ITGB3BP: variants seen among roughly 807,000 people sequenced by gnomAD.
The protein encoded by ITGB3BP is integrin subunit beta 3 binding protein.
Under a neutral mutation model 29.1 loss-of-function variants are expected in ITGB3BP, and 27 were observed. The ratio of observed to expected loss-of-function variants is 0.93; its 90% CI spans 0.68 to 1.28. The LOEUF (loss-of-function observed/expected upper bound fraction) is 1.28. ITGB3BP is among the 50% of genes most tolerant of loss of function. ITGB3BP has a pLI of 0.00. For synonymous variants in ITGB3BP, 61 were observed against 61.4 expected (o/e 0.99, Z 0.03); for missense variants, 192 against 200.2 (o/e 0.96, Z 0.25).
intron 1 of ITGB3BP, among the ~76,000 whole-genome samples, chr1:63,514,255 T>C (rs578161755): frequency 2.0e-5 from 3 of 152,328 alleles, no homozygotes; most frequent in South Asian, 2.1e-4. Context: ...CATTTATTTG[T>C]TTTCCTGTTG....
Position 63,454,755 on chromosome 1 carries a change from TA to T in ITGB3BP, c.333+134del, listed in dbSNP as rs968435902. The T allele has an allele frequency of 3.6e-3, 1,551 of 432,698 alleles. No individual in the cohort carries two copies. The highest frequency in any genetic ancestry group is 9.7e-3 in the South Asian group (166 of 17,104). 26.8% of individuals were successfully genotyped at this position (432,698 alleles called of 1,614,324 possible). ...TTATGGTTAAATAGTGTTCTCCTATTAAAAAAAAAATTCCCATGAAAAGTAA... is the reference window on the plus strand; with the variant it reads ...TTATGGTTAAATAGTGTTCTCCTATTAAAAAAAAATTCCCATGAAAAGTAA... On this transcript the variant is annotated intron_variant, in intron 5 of 8. Transcript: ENST00000271002. The surrounding 1 kb of genome is among the most constrained non-coding windows in gnomAD (Gnocchi z 4.1).
In ITGB3BP at chr1:63,473,033, C is replaced by T. The variant is rs535754922; in HGVS notation, c.254+5731G>A. Among the ~76,000 whole-genome samples, 1,023 of 151,340 alleles carry T rather than the reference C, an allele frequency of 6.8e-3. 12 individuals carry two copies. The highest frequency in any genetic ancestry group is 0.023 in the African/African-American group (956 of 41,094). On this transcript the variant is annotated intron_variant, in intron 4 of 8. Transcript: ENST00000271002. ...GCCATCCCATCTAGGAAGCGAGGAG[C>T]GCCTCTTCCCCACCGCCATCCCATC...
At chr1:63,473,641 G>A in intron 4 of ITGB3BP, among the ~76,000 whole-genome samples, 1 of 128,446 alleles carries the variant, frequency 7.8e-6, no homozygotes, top group Non-Finnish European at 1.7e-5. Context: ...CCCCCGCCCG[G>A]CCAGCCGCCC....
At chr1:63,520,729 C>A (rs1468362567) in intron 1 of ITGB3BP, among the ~76,000 whole-genome samples, 7 of 152,094 alleles carry the variant, frequency 4.6e-5, no homozygotes, top group African/African-American at 7.2e-5. Context: ...AGAACTAGAT[C>A]ATTACCAATA....
intron 1 of ITGB3BP, chr1:63,522,859 C>T: frequency 4.9e-6 from 3 of 618,280 alleles, no homozygotes; most frequent in South Asian, 1.5e-5. Flanking sequence ...TATGTTATTT[C>T]AAGTTAGACA....
chr1:63,460,253 T>C (rs1557614215), intron 4 of ITGB3BP, among the ~76,000 whole-genome samples: 1 of 152,208 alleles, frequency 6.6e-6, no homozygotes, highest in African/African-American at 2.4e-5. Context: ...TCCAAAAGTT[T>C]TCTATTACTA....
At chr1:63,474,248 A>G (rs1266177234) in intron 4 of ITGB3BP, among the ~76,000 whole-genome samples, 672 of 109,416 alleles carry the variant, frequency 6.1e-3, no homozygotes, top group African/African-American at 0.014. Flanking sequence ...CTGCCTGGCC[A>G]GCCGCCCCGT....
At chr1:63,514,428 A>G (rs1205485558) in intron 1 of ITGB3BP, among the ~76,000 whole-genome samples, 2 of 152,140 alleles carry the variant, frequency 1.3e-5, no homozygotes, top group East Asian at 1.9e-4. Context: ...GGGTAGGTGT[A>G]TATTTATTTA....
chr1:63,497,751 T>C (rs1416678823), intron 2 of ITGB3BP, among the ~76,000 whole-genome samples: 1 of 152,054 alleles, frequency 6.6e-6, no homozygotes, highest in Non-Finnish European at 1.5e-5. Context: ...GTAGGCTGAG[T>C]GTGTACCTGT....
At chr1:63,453,141 G>A (rs1199629185) in intron 7 of ITGB3BP, among the ~76,000 whole-genome samples, 2 of 152,152 alleles carry the variant, frequency 1.3e-5, no homozygotes, top group Non-Finnish European at 2.9e-5. Context: ...TAATGACAAT[G>A]ATAATACAGT....
At chr1:63,474,930 AC>A (rs1645307296) in intron 4 of ITGB3BP, among the ~76,000 whole-genome samples, 3 of 150,102 alleles carry the variant, frequency 2.0e-5, no homozygotes, top group African/African-American at 4.9e-5. Flanking sequence ...ACAAAACAAA[AC>A]AAAAACAAAA....
intron 2 of ITGB3BP, among the ~76,000 whole-genome samples, chr1:63,491,651 C>T (rs1645650030): frequency 6.6e-6 from 1 of 151,838 alleles, no homozygotes; most frequent in Non-Finnish European, 1.5e-5. Context: ...AATATTAGTT[C>T]CAGAATCTAT....
intron 4 of ITGB3BP, among the ~76,000 whole-genome samples, chr1:63,474,145 G>A (rs1645278660): frequency 7.4e-5 from 9 of 120,982 alleles, no homozygotes; most frequent in Admixed American, 1.6e-4. Context: ...GGAGGGAGGT[G>A]GGGGGGTCAG....
intron 4 of ITGB3BP, among the ~76,000 whole-genome samples, chr1:63,459,436 TTTTC>T (rs1415417201): frequency 6.6e-6 from 1 of 152,130 alleles, no homozygotes; most frequent in Admixed American, 6.6e-5. Context: ...ATTCCTTAGG[TTTTC>T]TTTATCTTTA....
chr1:63,526,022 C>T (rs1032349819), upstream of ITGB3BP, among the ~76,000 whole-genome samples: 13 of 151,962 alleles, frequency 8.6e-5, no homozygotes, highest in Admixed American at 4.6e-4. Flanking sequence ...ACTTTTAATT[C>T]TCATTTTGGT....
At chr1:63,456,688 T>A (rs2100515506) in intron 4 of ITGB3BP, among the ~76,000 whole-genome samples, 1 of 152,270 alleles carries the variant, frequency 6.6e-6, no homozygotes, top group African/African-American at 2.4e-5. Context: ...CAAACTGTCT[T>A]ACCCTATCTT....
intron 4 of ITGB3BP, among the ~76,000 whole-genome samples, chr1:63,465,949 T>C (rs1228473144): frequency 1.3e-5 from 2 of 152,182 alleles, no homozygotes; most frequent in Non-Finnish European, 2.9e-5. Context: ...GACTTTTCTC[T>C]GTAGCCTATA....
intron 4 of ITGB3BP, among the ~76,000 whole-genome samples, chr1:63,473,426 G>T (rs1472674408): frequency 2.1e-5 from 3 of 142,282 alleles, no homozygotes; most frequent in Admixed American, 6.7e-5. Flanking sequence ...CTACTGGGAA[G>T]TGAGGAGCCC....
chr1:63,517,625 T>A (rs895849666), intron 1 of ITGB3BP, among the ~76,000 whole-genome samples: 6 of 152,214 alleles, frequency 3.9e-5, no homozygotes, highest in Non-Finnish European at 8.8e-5. Context: ...GCATCCTACA[T>A]CCTTGCTAAA....
Sources: gnomAD v4.1 joint callset for allele counts (sites outside exome capture counted in the v4.1 genomes callset) on GRCh38, gnomAD v4.1.1 for gene constraint, Gnocchi (gnomAD v3.1) non-coding constraint, MANE v1.5 for transcripts, NCBI Gene and HGNC (gene_info 2026-07-23, HGNC 2026-07-21) for gene names.